Variants in ICA1L observed in about 807,000 individuals in gnomAD.
ICA1L encodes islet cell autoantigen 1 like, also known as islet cell autoantigen 1-like protein.
ICA1L carries 50 observed loss-of-function variants against 61.3 expected under a neutral mutation model. That is an observed-to-expected ratio of 0.82 (90% CI 0.65 to 1.03). ICA1L has a LOEUF of 1.03. ICA1L is among the 50% of genes least tolerant of loss of function. ICA1L has a pLI of 0.00. For synonymous variants in ICA1L, 161 were observed against 191.3 expected (o/e 0.84, Z 1.31); for missense variants, 508 against 556.7 (o/e 0.91, Z 0.88).
chr2:202,808,441 C>G (rs77016025), intron 9 of ICA1L, among the ~76,000 whole-genome samples: 1 of 151,356 alleles, frequency 6.6e-6, no homozygotes, highest in African/African-American at 2.4e-5. Flanking sequence ...GGTGTAGAAT[C>G]GAGAACCAAG....
intron 1 of ICA1L, among the ~76,000 whole-genome samples, chr2:202,866,445 T>C (rs116771471): frequency 0.011 from 1,688 of 152,282 alleles, 23 homozygotes; most frequent in Middle Eastern, 0.034. Context: ...CTTTATAAAT[T>C]ACGCAGTCTC....
chr2:202,830,131 T>C (rs990849148), intron 1 of ICA1L, among the ~76,000 whole-genome samples: 2 of 152,182 alleles, frequency 1.3e-5, no homozygotes, highest in Non-Finnish European at 1.5e-5. Context: ...CAGTGGCTCA[T>C]GCCTGTAATC....
Position 202,778,915 on chromosome 2 carries a change from G to C in ICA1L, c.*618C>G, listed in dbSNP as rs1692310329. 6.6e-6 allele frequency: 1 copy of C among 152,502 alleles called. No homozygotes were observed. The highest frequency in any genetic ancestry group is 2.4e-5 in the African/African-American group (1 of 41,424). The allele number at this position is 152,502 out of a possible 1,614,324, so 9.4% of individuals were successfully genotyped here. A position where few individuals can be genotyped will look rare whatever the true frequency, so the allele number is the denominator to read the frequency against. On this transcript the variant is annotated 3_prime_UTR_variant, in exon 13 of 13. Coordinates refer to ENST00000358299, the MANE Select transcript of ICA1L (RefSeq NM_001288622.3). ...GGAGTGTCCATTATTTTGTATGAAT[G>C]AAAAAACATTACATTTTAGCCTCCA...
At chr2:202,806,646 CAA>C (rs796219614) in intron 9 of ICA1L, among the ~76,000 whole-genome samples, 12 of 109,828 alleles carry the variant, frequency 1.1e-4, no homozygotes, top group Admixed American at 1.9e-4. Flanking sequence ...GACTCTGTCT[CAA>C]AAAAAAAAAA....
At chr2:202,811,659 C>CAAAAAAAAAAAAAAAA in intron 9 of ICA1L, 87 bp downstream of exon 9, 1 of 424,678 alleles carries the variant, frequency 2.4e-6, no homozygotes, top group Non-Finnish European at 3.8e-6. Flanking sequence ...AAGACTGTCT[C>CAAAAAAAAAAAAAAAA]AAAAAAAAAA....
At chr2:202,781,720 A>C (rs1204266675) in intron 12 of ICA1L, among the ~76,000 whole-genome samples, 1 of 152,108 alleles carries the variant, frequency 6.6e-6, no homozygotes, top group Non-Finnish European at 1.5e-5. Context: ...TATCACAGTG[A>C]CGCTCATTAG....
chr2:202,836,800 T>TATATATAGATATATAGATATAG lies in ICA1L; in HGVS notation c.-7-7785_-7-7784insCTATATCTATATATCTATATAT, dbSNP rs1462443281. On this transcript the variant is annotated intron_variant, in intron 1 of 12. Coordinates refer to ENST00000358299, the MANE Select transcript of ICA1L (RefSeq NM_001288622.3). Reference sequence around the variant, plus strand: ...ATTTGTTAGTGTGTGTATATCTATATATATAGATATATATAGATATATAGA... The same window carrying TATATATAGATATATAGATATAG: ...ATTTGTTAGTGTGTGTATATCTATATATATATAGATATATAGATATAGATATAGATATATATAGATATATAGA... 2.7e-4 allele frequency among the ~76,000 whole-genome samples: 40 copies of TATATATAGATATATAGATATAG among 145,806 alleles called. No individual in the cohort carries two copies. In the East Asian group the frequency reaches 2.9e-3, roughly 11 times the overall value.
chr2:202,829,692 C>T (rs1693959657), intron 1 of ICA1L, among the ~76,000 whole-genome samples: 1 of 152,090 alleles, frequency 6.6e-6, no homozygotes, highest in African/African-American at 2.4e-5. Context: ...GCACAAGAAA[C>T]AGGCAAAAGA....
intron 1 of ICA1L, among the ~76,000 whole-genome samples, chr2:202,831,519 C>T (rs1295727879): frequency 1.3e-5 from 2 of 152,122 alleles, no homozygotes; most frequent in African/African-American, 4.8e-5. Context: ...GGTTTAGGCT[C>T]AATTCGAAGA....
At chr2:202,834,715 C>A (rs1277409041) in intron 1 of ICA1L, among the ~76,000 whole-genome samples, 1 of 152,154 alleles carries the variant, frequency 6.6e-6, no homozygotes, top group Non-Finnish European at 1.5e-5. Flanking sequence ...TTAAAAACAT[C>A]ATTGATATGT....
rs1010842751 is a variant in ICA1L at position 202,823,560 on chromosome 2, T to A, written c.236-2079A>T. Among the ~76,000 whole-genome samples the A allele has an allele frequency of 2.0e-5, 3 of 152,184 alleles. No individual in the cohort carries two copies. In the South Asian group the frequency reaches 6.2e-4, roughly 31 times the overall value. ...CAAGCAGTAAAAGGCCATAAGGTCG[T>A]TAGTAATCTGACCCCAAATTTCCTT... On this transcript the variant is annotated intron_variant, in intron 3 of 12. Transcript: ENST00000358299.
chr2:202,851,187 G>C (rs1240152030), intron 1 of ICA1L, among the ~76,000 whole-genome samples: 1 of 144,462 alleles, frequency 6.9e-6, no homozygotes, highest in Non-Finnish European at 1.5e-5. Context: ...ACAGGCCCCA[G>C]TGTGTAATGT....
Position 202,774,408 on chromosome 2 carries a change from AG to A in ICA1L, c.*5124del. On this transcript the variant is annotated 3_prime_UTR_variant, in exon 13 of 13. Coordinates refer to ENST00000358299, the MANE Select transcript of ICA1L (RefSeq NM_001288622.3). ...AGGCCTCACTGCGCCTCCAACAGCC[AG>A]GGTCGAGCCCCTGGCTCCCCGTTCG... 2.0e-6 allele frequency: 2 copies of A among 1,005,370 alleles called. No homozygotes were observed. Among genetic ancestry groups the A allele is most frequent in the Non-Finnish European group, 2.7e-6 (2 of 753,344 alleles). 62.3% of individuals were successfully genotyped at this position (1,005,370 alleles called of 1,614,324 possible).
chr2:202,823,663 A>G (rs771404572), intron 3 of ICA1L, among the ~76,000 whole-genome samples: 1 of 152,186 alleles, frequency 6.6e-6, no homozygotes, highest in Non-Finnish European at 1.5e-5. Context: ...TAAGCTCTTT[A>G]AACTCCAAGT....
At chr2:202,799,964 G>C (rs1225119944) in intron 9 of ICA1L, among the ~76,000 whole-genome samples, 1 of 148,814 alleles carries the variant, frequency 6.7e-6, no homozygotes, top group Non-Finnish European at 1.5e-5. Flanking sequence ...TGCATTCTCC[G>C]CCTCCCAGGT....
At chr2:202,811,246 T>G (rs1693368355) in intron 9 of ICA1L, among the ~76,000 whole-genome samples, 1 of 152,134 alleles carries the variant, frequency 6.6e-6, no homozygotes, top group Non-Finnish European at 1.5e-5. Flanking sequence ...TCTGTCCCTT[T>G]ATTTCTCAGA....
intron 1 of ICA1L, chr2:202,840,836 T>A (rs35715740): frequency 0.023 from 14,134 of 620,900 alleles, 233 homozygotes; most frequent in Non-Finnish European, 0.029. Flanking sequence ...AGCCTGGAGC[T>A]GGCTGACGTT....
At chr2:202,819,976 A>G in intron 4 of ICA1L, 77 bp from the exon 5 acceptor site, 2 of 1,079,154 alleles carry the variant, frequency 1.9e-6, no homozygotes, top group Non-Finnish European at 2.7e-6. Flanking sequence ...ACCAATGAAA[A>G]AGCATATTTG....
intron 1 of ICA1L, among the ~76,000 whole-genome samples, chr2:202,836,643 T>C (rs1574366645): frequency 6.6e-6 from 1 of 152,160 alleles, no homozygotes; most frequent in East Asian, 1.9e-4. Context: ...TTTTCTTTAA[T>C]GGGAGACTTC....
Sources: allele counts gnomAD v4.1 joint callset (sites outside exome capture counted in the v4.1 genomes callset), GRCh38; gene constraint gnomAD v4.1.1; transcripts MANE v1.5; gene names NCBI Gene and HGNC (gene_info 2026-07-23, HGNC 2026-07-21).